Variants in KIAA1549L observed in about 807,000 individuals in gnomAD.
KIAA1549L encodes KIAA1549 like, also known as UPF0606 protein KIAA1549L.
A neutral mutation model predicts 160.7 loss-of-function variants in KIAA1549L; 88 were observed. The observed-to-expected ratio is 0.55, with a 90% CI of 0.46 to 0.65. The LOEUF is 0.65. KIAA1549L is among the 30% of genes least tolerant of loss of function. The pLI is 0.00. For synonymous variants in KIAA1549L, 950 were observed against 976.7 expected, an observed-to-expected ratio of 0.97 and a Z score of 0.51; for missense variants, 2,258 against 2,437.5, an observed-to-expected ratio of 0.93 and a Z score of 1.55.
chr11:33,524,978 C>T (rs1853579787), intron 1 of KIAA1549L, among the ~76,000 whole-genome samples: 1 of 152,140 alleles, frequency 6.6e-6, no homozygotes, highest in South Asian at 2.1e-4. Flanking sequence ...AGGGATTTAT[C>T]ATAAGAAATA....
intron 12 of KIAA1549L, 24 bp from the exon 13 acceptor site, chr11:33,598,796 C>A: frequency 1.2e-6 from 2 of 1,613,554 alleles, no homozygotes; most frequent in Non-Finnish European, 8.5e-7. Context: ...TTACCGTCTC[C>A]CCTGTTGCTA....
chr11:33,609,932 G>C lies in KIAA1549L; in HGVS notation c.5245G>C (p.Glu1749Gln). 1 of 1,613,966 alleles carries C rather than the reference G, an allele frequency of 6.2e-7. No homozygotes were observed. The highest frequency in any genetic ancestry group is 8.5e-7 in the Non-Finnish European group (1 of 1,179,868). Reference sequence around the variant, plus strand: ...GGAGCATGTTTTGGATCCAGATTCAGAACTCTGTGCTCCATTCACCGAGTC... The same window carrying C: ...GGAGCATGTTTTGGATCCAGATTCACAACTCTGTGCTCCATTCACCGAGTC... ...EMEHVLDPDS[E>Q]LCAPFTESKN... Residue 1749 changes from glutamate to glutamine, a missense_variant, in exon 15 of 21, where the codon GAA becomes CAA. By Grantham distance (29) the Glu-to-Gln change is conservative (BLOSUM62 2). Transcript: ENST00000658780.
At chr11:33,477,575 G>A (rs778507137) in intron 1 of KIAA1549L, among the ~76,000 whole-genome samples, 61 of 149,552 alleles carry the variant, frequency 4.1e-4, no homozygotes, top group Non-Finnish European at 6.5e-4. Flanking sequence ...GGTTCTCTTC[G>A]GTTAACTCTT....
At chr11:33,645,622 A>G in intron 16 of KIAA1549L, 64 bp from the exon 17 acceptor site, 1 of 1,207,504 alleles carries the variant, frequency 8.3e-7, no homozygotes, top group Non-Finnish European at 1.2e-6. Context: ...TTTTAGAGTA[A>G]ATTACAGAGC....
At chr11:33,632,773 G>C (rs1480998249) in intron 16 of KIAA1549L, among the ~76,000 whole-genome samples, 2 of 151,660 alleles carry the variant, frequency 1.3e-5, no homozygotes, top group Non-Finnish European at 2.9e-5. Flanking sequence ...ATTTATTTTT[G>C]TAGAAATGGG....
Position 33,390,943 on chromosome 11 carries a change from G to A in KIAA1549L, c.238+14054G>A, listed in dbSNP as rs114924812. ...CACCAATGCTCCTATCCATATATGGGCTAGAGGAAGGGAAGCTTCCACAGT... is the reference window on the plus strand; with the variant it reads ...CACCAATGCTCCTATCCATATATGGACTAGAGGAAGGGAAGCTTCCACAGT... On this transcript the variant is annotated intron_variant, in intron 1 of 20. Coordinates refer to ENST00000658780, the MANE Select transcript of KIAA1549L (RefSeq NM_012194.3). 2.7e-3 allele frequency among the ~76,000 whole-genome samples: 413 copies of A among 152,304 alleles called. 1 individual carries two copies. Among genetic ancestry groups the A allele is most frequent in the African/African-American group, 9.1e-3 (378 of 41,556 alleles).
In KIAA1549L at chr11:33,660,906, A is replaced by T; in HGVS notation, c.6051A>T (p.Arg2017Ser). Residue 2017 changes from arginine to serine, a missense_variant, in exon 20 of 21, where the codon AGA becomes AGT. Arg to Ser is a moderately radical substitution (Grantham distance 110). Coordinates refer to ENST00000658780, the MANE Select transcript of KIAA1549L (RefSeq NM_012194.3). ...TGTTCGCCATCCCAGCTGCCAACAGACCTGGCTTCACCGGCTACTTCATCC... is the reference window on the plus strand; with the variant it reads ...TGTTCGCCATCCCAGCTGCCAACAGTCCTGGCTTCACCGGCTACTTCATCC... ...PAVFAIPAAN[R>S]PGFTGYFIPT... 6.2e-7 allele frequency: 1 copy of T among 1,613,790 alleles called. No individual in the cohort carries two copies. The highest frequency in any genetic ancestry group is 8.5e-7 in the Non-Finnish European group (1 of 1,179,844).
At chr11:33,480,291 G>A (rs1407404506) in intron 1 of KIAA1549L, among the ~76,000 whole-genome samples, 3 of 152,102 alleles carry the variant, frequency 2.0e-5, no homozygotes, top group African/African-American at 7.2e-5. Flanking sequence ...CTGTGGATTT[G>A]CCTATTTGAT....
chr11:33,590,645 A>G (rs939434082), intron 11 of KIAA1549L, among the ~76,000 whole-genome samples: 15 of 152,226 alleles, frequency 9.9e-5, no homozygotes, highest in African/African-American at 3.6e-4. Context: ...ATTATTAATG[A>G]TTGTACGGCT....
chr11:33,646,353 C>T (rs1041430750), intron 17 of KIAA1549L, among the ~76,000 whole-genome samples: 6 of 152,190 alleles, frequency 3.9e-5, no homozygotes, highest in Admixed American at 1.3e-4. Flanking sequence ...CACTTTCAAG[C>T]CTGAGACCCA....
chr11:33,603,679 G>A (rs994371171), intron 13 of KIAA1549L, among the ~76,000 whole-genome samples: 3 of 151,918 alleles, frequency 2.0e-5, no homozygotes, highest in Non-Finnish European at 2.9e-5. Flanking sequence ...TGGTGGCGGG[G>A]CCTGTAATCC....
intron 1 of KIAA1549L, chr11:33,403,611 GACACAC>G (rs1369673824): frequency 6.6e-6 from 1 of 151,722 alleles, no homozygotes; most frequent in African/African-American, 2.4e-5. Flanking sequence ...GACACACACA[GACACAC>G]ACACAGACAT....
At position 33,583,364 on chromosome 11, in the gene KIAA1549L, C is replaced by A; in HGVS notation, c.4429C>A (p.Leu1477Met). The part of the protein sequence containing the change: ...DPVVKNPPNN[L>M]WIIAAVLAPI... ...CGTGGTGAAGAACCCGCCCAATAAC[C>A]TGTGGATCATCGCTGCAGTGCTGGC... The change falls in exon 11 of 21, where the codon CTG becomes ATG. Residue 1477 changes from leucine to methionine, a missense_variant. Leu to Met is a conservative substitution (Grantham distance 15). Coordinates refer to ENST00000658780, the MANE Select transcript of KIAA1549L (RefSeq NM_012194.3). 1 of 1,606,382 alleles carries A rather than the reference C, an allele frequency of 6.2e-7. No homozygotes were observed. Among genetic ancestry groups the A allele is most frequent in the Non-Finnish European group, 8.5e-7 (1 of 1,176,556 alleles).
At chr11:33,526,139 G>T (rs1025447224) in intron 1 of KIAA1549L, among the ~76,000 whole-genome samples, 10 of 152,054 alleles carry the variant, frequency 6.6e-5, no homozygotes, top group African/African-American at 2.2e-4. Context: ...CCAACATAGG[G>T]CAAGCTTATA....
At chr11:33,607,712 C>T (rs939340906) in intron 14 of KIAA1549L, among the ~76,000 whole-genome samples, 2 of 152,190 alleles carry the variant, frequency 1.3e-5, no homozygotes, top group Admixed American at 6.5e-5. Flanking sequence ...TTTCCCATCA[C>T]ACCTCAAGGA....
intron 5 of KIAA1549L, 30 bp from the exon 6 acceptor site, chr11:33,552,078 G>A (rs1854480570): frequency 6.2e-7 from 1 of 1,612,918 alleles, no homozygotes; most frequent in Non-Finnish European, 8.5e-7. Flanking sequence ...TGGAGCTTTA[G>A]TGAGCACTGA....
chr11:33,631,495 CA>C (rs554903270), intron 16 of KIAA1549L, among the ~76,000 whole-genome samples: 121 of 152,150 alleles, frequency 8.0e-4, no homozygotes, highest in Non-Finnish European at 1.6e-3. Flanking sequence ...CTGTACGTTA[CA>C]GGGTTTTTAG....
intron 17 of KIAA1549L, among the ~76,000 whole-genome samples, chr11:33,653,697 TG>T (rs1460376439): frequency 6.6e-6 from 1 of 152,216 alleles, no homozygotes; most frequent in Admixed American, 6.5e-5. Flanking sequence ...TTCTCTCCTT[TG>T]GGACTTCGGT....
At chr11:33,530,992 T>C (rs2133149698) in intron 1 of KIAA1549L, among the ~76,000 whole-genome samples, 1 of 152,278 alleles carries the variant, frequency 6.6e-6, no homozygotes, top group East Asian at 1.9e-4. Flanking sequence ...CATCTGGAAA[T>C]AAAATTTACC....
Sources: gnomAD v4.1 joint callset for allele counts (sites outside exome capture counted in the v4.1 genomes callset) on GRCh38, gnomAD v4.1.1 for gene constraint, MANE v1.5 for transcripts, NCBI Gene and HGNC (gene_info 2026-07-23, HGNC 2026-07-21) for gene names.